RBFOX1: variants seen among roughly 807,000 people sequenced by gnomAD.
The protein encoded by RBFOX1 is RNA binding fox-1 homolog 1.
RBFOX1 carries 8 observed loss-of-function variants against 57.7 expected under a neutral mutation model. That is an observed-to-expected ratio of 0.14 (90% confidence interval 0.08 to 0.25). RBFOX1 has a LOEUF of 0.25. RBFOX1 is among the 10% of genes least tolerant of loss of function. RBFOX1 has a pLI of 1.00. For synonymous variants in RBFOX1, 326 were observed against 222.4 expected, an observed-to-expected ratio of 1.47 and a Z score of -4.15; for missense variants, 611 against 548.5, an observed-to-expected ratio of 1.11 and a Z score of -1.14.
rs576022406 is a variant in RBFOX1, at chr16:5,249,124, C to G, written c.219+9019C>G. On this transcript the variant is annotated intron_variant, in intron 1 of 2. Coordinates refer to the RBFOX1 transcript ENST00000585867. ...GTTCCAAAGGACATGAAGACAAAGT[C>G]ACACACCTTTATTTAACCTGCTCCA... 2.0e-5 allele frequency among the ~76,000 whole-genome samples: 3 copies of G among 152,088 alleles called. No individual in the cohort carries two copies. The East Asian group carries it at 5.8e-4, about 29-fold the overall frequency.
At chr16:6,293,669 G>A (rs1462656417) in intron 1 of RBFOX1, among the ~76,000 whole-genome samples, 1 of 152,162 alleles carries the variant, frequency 6.6e-6, no homozygotes, top group African/African-American at 2.4e-5. Context: ...AGAAACATAG[G>A]GAAGAGGGGC....
At chr16:7,198,674 A>G (rs1408446770) in intron 4 of RBFOX1, among the ~76,000 whole-genome samples, 1 of 152,092 alleles carries the variant, frequency 6.6e-6, no homozygotes, top group Non-Finnish European at 1.5e-5. Flanking sequence ...GAATAGATGA[A>G]CTCACTTTTA....
intron 3 of RBFOX1, among the ~76,000 whole-genome samples, chr16:5,609,162 C>A (rs949819972): frequency 6.6e-6 from 1 of 152,144 alleles, no homozygotes; most frequent in East Asian, 1.9e-4. Flanking sequence ...TGCTGTGTAT[C>A]GAAATGGGCC....
In RBFOX1 at chr16:5,946,772, C is replaced by G. The variant is rs572612620; in HGVS notation, c.351+79437C>G. 6.6e-6 allele frequency among the ~76,000 whole-genome samples: 1 copy of G among 152,320 alleles called. No homozygotes were observed. The highest frequency in any genetic ancestry group is 1.9e-4 in the East Asian group (1 of 5,178). On this transcript the variant is annotated intron_variant, in intron 4 of 19. Coordinates refer to the RBFOX1 transcript ENST00000641259. The surrounding 1 kb of genome is among the most constrained non-coding windows in gnomAD (Gnocchi z 4.6). ...GGCCCTCAACCTGTGGAATCTGATTCTAACTCCAGGTGGATCATGTCAGAA... is the reference window on the plus strand; with the variant it reads ...GGCCCTCAACCTGTGGAATCTGATTGTAACTCCAGGTGGATCATGTCAGAA...
chr16:5,425,105 C>CTATCTATCTATCTATCTATCTATT lies in RBFOX1; in HGVS notation c.220-42094_220-42093insATCTATTTATCTATCTATCTATCT, dbSNP rs1555515009. 6.5e-4 allele frequency among the ~76,000 whole-genome samples: 85 copies of CTATCTATCTATCTATCTATCTATT among 131,564 alleles called. 1 individual carries two copies. Among genetic ancestry groups the CTATCTATCTATCTATCTATCTATT allele is most frequent in the East Asian group, 2.3e-3 (10 of 4,436 alleles). The allele number at this position is 131,564 out of a possible 152,430, so 86.3% of individuals were successfully genotyped here. On this transcript the variant is annotated intron_variant, in intron 1 of 2. Transcript: ENST00000585867. ...TCTATCTATCTATCTATCTATCTATCTATCTATCTATCTATCTTGAGACAG... is the reference window on the plus strand; with the variant it reads ...TCTATCTATCTATCTATCTATCTATCTATCTATCTATCTATCTATCTATTTATCTATCTATCTATCTTGAGACAG...
At chr16:5,301,295 G>C (rs1002792958) in intron 1 of RBFOX1, among the ~76,000 whole-genome samples, 4 of 152,272 alleles carry the variant, frequency 2.6e-5, no homozygotes, top group Non-Finnish European at 5.9e-5. Context: ...CCAATAGCCT[G>C]CACGTGTTTA....
chr16:6,726,117 C>G (rs1398256155), intron 3 of RBFOX1, among the ~76,000 whole-genome samples: 1 of 152,128 alleles, frequency 6.6e-6, no homozygotes, highest in Admixed American at 6.5e-5. Flanking sequence ...CTTTGTTACA[C>G]AGAGCCAGGA....
At chr16:7,443,423 TCCCC>T (rs2098784646) in intron 4 of RBFOX1, among the ~76,000 whole-genome samples, 1 of 150,890 alleles carries the variant, frequency 6.6e-6, no homozygotes, top group Non-Finnish European at 1.5e-5. Flanking sequence ...CTTCAAGAGC[TCCCC>T]CTCCCCTCTT....
intron 3 of RBFOX1, among the ~76,000 whole-genome samples, chr16:6,877,495 T>TA (rs2062062370): frequency 6.6e-6 from 1 of 152,144 alleles, no homozygotes; most frequent in Non-Finnish European, 1.5e-5. Context: ...AATGCCTACT[T>TA]ACTGTGGCCG....
At chr16:5,966,989 A>AT (rs2059856540) in intron 4 of RBFOX1, among the ~76,000 whole-genome samples, 2 of 22,856 alleles carry the variant, frequency 8.8e-5, no homozygotes, top group East Asian at 3.0e-3. Context: ...CTTGCACTAA[A>AT]TCGGGGGGGG....
At chr16:6,132,367 C>T (rs1231005958) in intron 1 of RBFOX1, among the ~76,000 whole-genome samples, 1 of 152,204 alleles carries the variant, frequency 6.6e-6, no homozygotes, top group Admixed American at 6.5e-5. Context: ...ATGCATGATG[C>T]AGTTACCACA....
chr16:7,052,339 T>C (rs965158772), intron 4 of RBFOX1, among the ~76,000 whole-genome samples: 1 of 152,238 alleles, frequency 6.6e-6, no homozygotes, highest in Non-Finnish European at 1.5e-5. Context: ...CAATAAATAC[T>C]TTTCTTCTGG....
At chr16:5,746,516 A>C (rs9924360) in intron 3 of RBFOX1, among the ~76,000 whole-genome samples, 44,221 of 152,150 alleles carry the variant, frequency 0.29, 6,877 homozygotes, top group East Asian at 0.61. Context: ...TTGAATCTAT[A>C]AATTACCTTG....
At chr16:5,924,942 A>G (rs2058911017) in intron 4 of RBFOX1, among the ~76,000 whole-genome samples, 1 of 152,154 alleles carries the variant, frequency 6.6e-6, no homozygotes, top group Non-Finnish European at 1.5e-5. Context: ...CAAAACCACA[A>G]TACAGTGCCC....
chr16:6,474,110 T>C (rs1268600531), intron 2 of RBFOX1, among the ~76,000 whole-genome samples: 2 of 152,136 alleles, frequency 1.3e-5, no homozygotes, highest in Non-Finnish European at 1.5e-5. Flanking sequence ...GTCTTGCCAG[T>C]GTCCATTTGT....
intron 3 of RBFOX1, among the ~76,000 whole-genome samples, chr16:6,753,286 T>C (rs2075260716): frequency 1.3e-5 from 2 of 152,330 alleles, no homozygotes; most frequent in Admixed American, 1.3e-4. Flanking sequence ...GATATATGGA[T>C]GTTTGCTGTA....
intron 2 of RBFOX1, among the ~76,000 whole-genome samples, chr16:6,356,612 A>G (rs938898248): frequency 1.3e-5 from 2 of 152,186 alleles, no homozygotes; most frequent in East Asian, 1.9e-4. Flanking sequence ...GTCTTCAAAA[A>G]TAAAGAAAAA....
chr16:7,348,770 C>A (rs1169222506), intron 4 of RBFOX1, among the ~76,000 whole-genome samples: 1 of 152,088 alleles, frequency 6.6e-6, no homozygotes, highest in East Asian at 1.9e-4. Context: ...GATGAAACTT[C>A]ATCTCTACTA....
chr16:5,541,781 G>A (rs1290675913), intron 2 of RBFOX1, among the ~76,000 whole-genome samples: 1 of 152,096 alleles, frequency 6.6e-6, no homozygotes, highest in African/African-American at 2.4e-5. Flanking sequence ...ACAAGGAGTT[G>A]TATTTTAGCT....
Sources: gnomAD v4.1 joint callset for allele counts (sites outside exome capture counted in the v4.1 genomes callset) on GRCh38, gnomAD v4.1.1 for gene constraint, Gnocchi (gnomAD v3.1) non-coding constraint, MANE v1.5 for transcripts, NCBI Gene and HGNC (gene_info 2026-07-23, HGNC 2026-07-21) for gene names.